PCDHGB1: variants seen among roughly 807,000 people sequenced by gnomAD.
PCDHGB1 encodes protocadherin gamma-B1.
PCDHGB1 carries 34 observed loss-of-function variants against 56.6 expected under a neutral mutation model. The observed-to-expected ratio is 0.60, with a 90% confidence interval of 0.46 to 0.80. The LOEUF (loss-of-function observed/expected upper bound fraction) is 0.80. Ranked by LOEUF, PCDHGB1 falls within the 30% of genes least tolerant of loss-of-function variation. The pLI is 0.00. For synonymous variants in PCDHGB1, 561 were observed against 505.9 expected (o/e 1.11, Z -1.46); for missense variants, 1,278 against 1,204.6 (o/e 1.06, Z -0.90).
intron 1 of PCDHGB1, chr5:141,390,412 C>A: frequency 8.3e-7 from 1 of 1,206,056 alleles, no homozygotes; most frequent in Admixed American, 2.5e-5. Flanking sequence ...AAGTTGTAGT[C>A]AGTTAAAAAG....
chr5:141,353,077 A>G (rs912122149), intron 1 of PCDHGB1, among the ~76,000 whole-genome samples: 11 of 152,152 alleles, frequency 7.2e-5, no homozygotes, highest in Non-Finnish European at 1.3e-4. Context: ...TAGTGATGGT[A>G]TCTACTGCGG....
At position 141,438,276 on chromosome 5, in the gene PCDHGB1, ATAATT is replaced by A. The variant is rs533892835; in HGVS notation, c.2410-56526_2410-56522del. ...TGAAGAGACCATAGAATCAAACAAA[ATAATT>A]TAATCTGTATGTAAAAGAAGTTGGT... On this transcript the variant is annotated intron_variant, in intron 1 of 3. Coordinates refer to ENST00000523390, the MANE Select transcript of PCDHGB1 (RefSeq NM_018922.3). 1.4e-3 allele frequency among the ~76,000 whole-genome samples: 213 copies of A among 152,246 alleles called. 1 individual carries two copies. The highest frequency in any genetic ancestry group is 4.8e-3 in the African/African-American group (199 of 41,534).
At chr5:141,427,550 C>T (rs1310933864) in intron 1 of PCDHGB1, 1 of 643,730 alleles carries the variant, frequency 1.6e-6, no homozygotes, top group East Asian at 3.2e-5. Context: ...CCATCACTGC[C>T]ACTGACAAGG....
Position 141,350,333 on chromosome 5 carries a change from G to C in PCDHGB1, c.73G>C (p.Gly25Arg). Reference sequence around the variant, plus strand: ...TCCCTTCCTGCTGTCTTTGTTCTGCGGGGCCATCTCCCAGCAGATCCGATA... The same window carrying C: ...TCCCTTCCTGCTGTCTTTGTTCTGCCGGGCCATCTCCCAGCAGATCCGATA... ...LFPFLLSLFCGAISQQIRYTI... is the reference protein window; with the variant it reads ...LFPFLLSLFCRAISQQIRYTI... Residue 25 changes from glycine (G) to arginine (R), a missense_variant, in exon 1 of 4, where the codon GGG becomes CGG. Coordinates refer to ENST00000523390, the MANE Select transcript of PCDHGB1 (RefSeq NM_018922.3). The C allele has an allele frequency of 6.5e-7, 1 of 1,537,748 alleles. No individual in the cohort carries two copies. Among genetic ancestry groups the C allele is most frequent in the Non-Finnish European group, 8.7e-7 (1 of 1,144,068 alleles).
chr5:141,377,447 A>T (rs1397371836), intron 1 of PCDHGB1: 1 of 152,082 alleles, frequency 6.6e-6, no homozygotes, highest in African/African-American at 2.4e-5. Context: ...AAGAAAAAAA[A>T]GTAGCCAGAT....
At chr5:141,450,014 T>A (rs867473620) in intron 1 of PCDHGB1, among the ~76,000 whole-genome samples, 7,114 of 149,588 alleles carry the variant, frequency 0.048, 422 homozygotes, top group African/African-American at 0.13. Context: ...CTCTTTTTTT[T>A]TTTTTTTTTT....
intron 1 of PCDHGB1, among the ~76,000 whole-genome samples, chr5:141,464,370 T>C (rs1239284694): frequency 6.6e-6 from 1 of 151,828 alleles, no homozygotes. Context: ...CCAATATTTT[T>C]GCAATATAAA....
intron 1 of PCDHGB1, chr5:141,415,028 C>T (rs756347396): frequency 3.1e-6 from 5 of 1,613,524 alleles, no homozygotes; most frequent in Middle Eastern, 1.7e-4. Context: ...GCCAGCGAGC[C>T]GGGACTCTTC....
intron 1 of PCDHGB1, chr5:141,428,210 A>T: frequency 7.7e-7 from 1 of 1,293,350 alleles, no homozygotes; most frequent in Non-Finnish European, 1.1e-6. Flanking sequence ...GCTACGCTTC[A>T]CCTAGTCTTC....
intron 1 of PCDHGB1, chr5:141,419,367 C>T (rs1157934416): frequency 6.2e-7 from 1 of 1,613,652 alleles, no homozygotes; most frequent in Admixed American, 1.7e-5. Context: ...ACGCTGTCGT[C>T]CTACGTGTCC....
intron 1 of PCDHGB1, chr5:141,413,709 C>T (rs998398149): frequency 2.4e-5 from 39 of 1,613,536 alleles, no homozygotes; most frequent in Non-Finnish European, 3.3e-5. Flanking sequence ...AGCTCAGCCC[C>T]AATAAGCACT....
intron 1 of PCDHGB1, chr5:141,370,468 T>C: frequency 6.2e-7 from 1 of 1,613,240 alleles, no homozygotes. Context: ...CTCTCTTTGT[T>C]AGACCAGGCT....
chr5:141,360,204 T>G (rs751196822), intron 1 of PCDHGB1: 1 of 1,612,988 alleles, frequency 6.2e-7, no homozygotes, highest in Non-Finnish European at 8.5e-7. Context: ...TCCTGTTGTC[T>G]TTGTTCCCCG....
At position 141,430,919 on chromosome 5, in the gene PCDHGB1, C is replaced by A. The variant is rs377613499; in HGVS notation, c.2410-63888C>A. The A allele has an allele frequency of 6.2e-7, 1 of 1,607,492 alleles. No homozygotes were observed. Among genetic ancestry groups the A allele is most frequent in the Admixed American group, 1.7e-5 (1 of 58,806 alleles). The stretch of plus-strand genomic sequence containing the variant: ...GGGCGACATCTCCAGGGACCTGGGG[C>A]TGGAGCCCCGGGAGCTCGCGGAGCG... On this transcript the variant is annotated intron_variant, in intron 1 of 3. Transcript: ENST00000523390.
intron 1 of PCDHGB1, chr5:141,372,142 A>T: frequency 2.5e-6 from 4 of 1,613,728 alleles, no homozygotes; most frequent in Non-Finnish European, 3.4e-6. Flanking sequence ...CGCTCTGCAG[A>T]GCCTGGCTAC....
intron 1 of PCDHGB1, chr5:141,417,493 G>A (rs1463793261): frequency 4.7e-6 from 1 of 214,978 alleles, no homozygotes; most frequent in East Asian, 1.1e-4. Context: ...GAATCACTGA[G>A]GAAAAAGATT....
chr5:141,450,468 A>G (rs1187171122), intron 1 of PCDHGB1, among the ~76,000 whole-genome samples: 2 of 151,696 alleles, frequency 1.3e-5, no homozygotes, highest in African/African-American at 4.9e-5. Flanking sequence ...TTTTATATAT[A>G]GAGTTTGTTT....
rs748223478 is a variant in PCDHGB1 at position 141,415,687 on chromosome 5, G to T, written c.2409+63018G>T. ...TTACTTTGAAGTTTGCGGCATGATG[G>T]TGGAAAGTGTAAATGCTAAAACACT... On this transcript the variant is annotated intron_variant, in intron 1 of 3. Coordinates refer to ENST00000523390, the MANE Select transcript of PCDHGB1 (RefSeq NM_018922.3). 1.1e-5 allele frequency: 17 copies of T among 1,535,300 alleles called. No individual in the cohort carries two copies. In the South Asian group the frequency reaches 1.3e-4, roughly 12 times the overall value.
At chr5:141,383,774 TTCA>T in intron 1 of PCDHGB1, 1 of 1,613,980 alleles carries the variant, frequency 6.2e-7, no homozygotes, top group South Asian at 1.1e-5. Flanking sequence ...CCAAAGATGT[TTCA>T]TCTGAACTCG....
Sources: allele counts gnomAD v4.1 joint callset (sites outside exome capture counted in the v4.1 genomes callset), GRCh38; gene constraint gnomAD v4.1.1; transcripts MANE v1.5; gene names NCBI Gene and HGNC (gene_info 2026-07-23, HGNC 2026-07-21).